GML: variants seen among roughly 807,000 people sequenced by gnomAD.
GML encodes the protein glycosylphosphatidylinositol anchored molecule like.
GML carries 5 observed loss-of-function variants against 8.2 expected under a neutral mutation model. The ratio of observed to expected loss-of-function variants is 0.61; its 90% CI spans 0.32 to 1.28. The LOEUF (loss-of-function observed/expected upper bound fraction) is 1.28, where lower values mean the gene tolerates loss of function less well. GML is among the 50% of genes most tolerant of loss of function. The pLI, the probability that GML is intolerant of heterozygous loss-of-function variation, is 0.06. For missense variants in GML, 191 were observed against 198.3 expected, an observed-to-expected ratio of 0.96 and a Z score of 0.22; for synonymous variants, 72 against 69.0, an observed-to-expected ratio of 1.04 and a Z score of -0.22.
Position 142,839,146 on chromosome 8 carries a change from G to A in GML, c.-22-1270G>A, listed in dbSNP as rs539475233. ...GCATCCAGGGAAAGCAGGCACGACA[G>A]AGTGGAGACGGGGCTGCTGGGTCTC... On this transcript the variant is annotated intron_variant, in intron 1 of 3. Coordinates refer to ENST00000220940, the MANE Select transcript of GML (RefSeq NM_002066.3). 2.6e-5 allele frequency among the ~76,000 whole-genome samples: 4 copies of A among 152,262 alleles called. No homozygotes were observed. The South Asian group carries it at 8.3e-4, about 32-fold the overall frequency.
intron 1 of GML, among the ~76,000 whole-genome samples, chr8:142,837,401 C>G (rs565481306): frequency 6.6e-6 from 1 of 152,066 alleles, no homozygotes; most frequent in Admixed American, 6.5e-5. Context: ...CTGGCAAGCT[C>G]TGGTTGATGA....
intron 3 of GML, among the ~76,000 whole-genome samples, 169 bp downstream of exon 3, chr8:142,841,394 T>C (rs1168943064): frequency 6.6e-6 from 1 of 152,178 alleles, no homozygotes; most frequent in Non-Finnish European, 1.5e-5. Flanking sequence ...AGCCTCATGA[T>C]AGGCCAGCAT....
At chr8:142,842,411 C>T (rs1816446035) in intron 3 of GML, among the ~76,000 whole-genome samples, 1 of 152,172 alleles carries the variant, frequency 6.6e-6, no homozygotes. Context: ...GCTTTGTCTC[C>T]ACAGTGGCCA....
chr8:142,846,779 ATCCACTGC>A lies in GML; in HGVS notation c.*93_*100del, dbSNP rs1409522588. ...ATTCCCTTCTAAGCCAGAGACCCTT[ATCCACTGC>A]TCCTCTAGGTGGCCCATTTATGGTT... On this transcript the variant is annotated 3_prime_UTR_variant, in exon 4 of 4. Transcript: ENST00000220940. 4 of 949,726 alleles carry A rather than the reference ATCCACTGC, an allele frequency of 4.2e-6. No individual in the cohort carries two copies. The highest frequency in any genetic ancestry group is 1.6e-5 in the African/African-American group (1 of 61,326). 58.8% of individuals were successfully genotyped at this position (949,726 alleles called of 1,614,324 possible). A position where few individuals can be genotyped will look rare whatever the true frequency, so the allele number is the denominator to read the frequency against.
chr8:142,837,204 G>A (rs539074641), intron 1 of GML, among the ~76,000 whole-genome samples: 8 of 151,976 alleles, frequency 5.3e-5, no homozygotes, highest in East Asian at 3.9e-4. Flanking sequence ...TGAGGCAGGA[G>A]AACTGCTTGA....
At chr8:142,836,030 T>G (rs1816337841) in intron 1 of GML, among the ~76,000 whole-genome samples, 2 of 152,280 alleles carry the variant, frequency 1.3e-5, no homozygotes, top group Admixed American at 6.5e-5. Context: ...ATGCATCTCT[T>G]CCGTTTCACG....
At chr8:142,841,795 G>A (rs1457871165) in intron 3 of GML, among the ~76,000 whole-genome samples, 1 of 152,208 alleles carries the variant, frequency 6.6e-6, no homozygotes, top group Non-Finnish European at 1.5e-5. Flanking sequence ...GAGGCCCAGT[G>A]ACCAATGGAG....
At chr8:142,837,162 C>T (rs113325955) in intron 1 of GML, among the ~76,000 whole-genome samples, 22,465 of 151,514 alleles carry the variant, frequency 0.15, 2,076 homozygotes, top group East Asian at 0.48. Context: ...GGCGTAGTGG[C>T]GTGCGCCCAT....
intron 3 of GML, 129 bp downstream of exon 3, chr8:142,841,354 C>T (rs1337286889): frequency 1.5e-5 from 10 of 655,070 alleles, no homozygotes; most frequent in African/African-American, 3.6e-5. Flanking sequence ...GTCCTCCCAT[C>T]CTGAGTGCGT....
At chr8:142,842,046 G>A (rs915019949) in intron 3 of GML, among the ~76,000 whole-genome samples, 3 of 152,150 alleles carry the variant, frequency 2.0e-5, no homozygotes, top group South Asian at 2.1e-4. Flanking sequence ...CATAATCCCC[G>A]TGTGTCATGG....
chr8:142,840,627 T>TTGTC, intron 2 of GML, 117 bp downstream of exon 2: 1 of 737,024 alleles, frequency 1.4e-6, no homozygotes, highest in Non-Finnish European at 2.4e-6. Context: ...GGGGCCTGCA[T>TTGTC]TGTCTGTGTA....
chr8:142,846,568 G>A lies in GML; in HGVS notation c.355G>A (p.Glu119Lys). The A allele has an allele frequency of 6.2e-7, 1 of 1,613,932 alleles. No individual in the cohort carries two copies. The highest frequency in any genetic ancestry group is 8.5e-7 in the Non-Finnish European group (1 of 1,179,822). ...CAATGCAGGAGGACCTACTAATCTT[G>A]AAAGGGACATGTTACCCGATGAAGT... ...VCNAGGPTNL[E>K]RDMLPDEVTE... is the part of the protein sequence containing the mutation. The change falls in exon 4 of 4, where the codon GAA (glutamate) becomes AAA (lysine). Residue 119 changes from glutamate to lysine, a missense_variant. Transcript: ENST00000220940.
At chr8:142,840,606 C>T (rs1816416640) in intron 2 of GML, 96 bp downstream of exon 2, 2 of 856,598 alleles carry the variant, frequency 2.3e-6, no homozygotes, top group Non-Finnish European at 4.0e-6. Flanking sequence ...TGGAGCAAGC[C>T]TCCGTTAGCT....
chr8:142,844,744 A>G (rs1370949454), intron 3 of GML, among the ~76,000 whole-genome samples: 4 of 152,240 alleles, frequency 2.6e-5, no homozygotes, highest in Non-Finnish European at 5.9e-5. Context: ...AAACCACAAC[A>G]CAATAACACC....
chr8:142,846,699 C>T lies in GML; in HGVS notation c.*9C>T. 6.2e-7 allele frequency: 1 copy of T among 1,602,888 alleles called. No individual in the cohort carries two copies. The highest frequency in any genetic ancestry group is 2.2e-5 in the East Asian group (1 of 44,830). ...GCAATATATTGCCATGAGGACCCCACCTTGGAGGGTCTGACCATCTTCACC... is the reference window on the plus strand; with the variant it reads ...GCAATATATTGCCATGAGGACCCCATCTTGGAGGGTCTGACCATCTTCACC... On this transcript the variant is annotated 3_prime_UTR_variant, in exon 4 of 4. Coordinates refer to ENST00000220940, the MANE Select transcript of GML (RefSeq NM_002066.3).
In GML at chr8:142,841,799, A is replaced by G. The variant is rs576184605; in HGVS notation, c.181+574A>G. On this transcript the variant is annotated intron_variant, in intron 3 of 3. Transcript: ENST00000220940. ...ATGTATGGCCAGAGGCCCAGTGACC[A>G]ATGGAGCAAGCAGGGAGGGTGCAGC... 4.6e-5 allele frequency among the ~76,000 whole-genome samples: 7 copies of G among 152,248 alleles called. No homozygotes were observed. In the South Asian group the frequency reaches 1.5e-3, roughly 32 times the overall value.
intron 3 of GML, among the ~76,000 whole-genome samples, chr8:142,842,613 A>AG (rs1449891082): frequency 1.3e-5 from 2 of 152,248 alleles, no homozygotes; most frequent in Non-Finnish European, 2.9e-5. Context: ...AGTGAAGTGA[A>AG]GGACACTGGT....
intron 3 of GML, among the ~76,000 whole-genome samples, chr8:142,845,438 A>G (rs1036767031): frequency 3.3e-5 from 5 of 152,220 alleles, no homozygotes; most frequent in African/African-American, 4.8e-5. Flanking sequence ...GTGAACTCCA[A>G]TAAACTTTTT....
At chr8:142,844,654 G>A (rs765864254) in intron 3 of GML, among the ~76,000 whole-genome samples, 2 of 152,208 alleles carry the variant, frequency 1.3e-5, no homozygotes, top group Non-Finnish European at 2.9e-5. Flanking sequence ...AAGGGAATTT[G>A]CCAGAAAATG....
Sources: allele counts gnomAD v4.1 joint callset (sites outside exome capture counted in the v4.1 genomes callset), GRCh38; gene constraint gnomAD v4.1.1; transcripts MANE v1.5; gene names NCBI Gene and HGNC (gene_info 2026-07-23, HGNC 2026-07-21).